Variants in RAI14 observed in about 807,000 individuals in gnomAD.
RAI14 encodes the protein retinoic acid induced 14, also known as ankycorbin.
A neutral mutation model predicts 115.4 loss-of-function variants in RAI14; 45 were observed. The observed-to-expected ratio is 0.39, with a 90% CI of 0.31 to 0.50. RAI14 has a LOEUF of 0.50. Among genes scored for constraint, RAI14 ranks in the 20% least tolerant of loss-of-function variants. RAI14 has a pLI of 0.85. For synonymous variants in RAI14, 371 were observed against 415.4 expected, an observed-to-expected ratio of 0.89 and a Z score of 1.30; for missense variants, 939 against 1,131.2, an observed-to-expected ratio of 0.83 and a Z score of 2.44.
intron 3 of RAI14, among the ~76,000 whole-genome samples, chr5:34,758,196 C>T (rs10056835): frequency 0.16 from 24,210 of 152,166 alleles, 2,025 homozygotes; most frequent in African/African-American, 0.21. Context: ...CTATCACTTA[C>T]GAGTTGTGTA....
intron 3 of RAI14, among the ~76,000 whole-genome samples, chr5:34,793,728 A>G (rs1753192674): frequency 6.6e-6 from 1 of 152,178 alleles, no homozygotes; most frequent in Non-Finnish European, 1.5e-5. Context: ...AGAATGGGAT[A>G]TGGCTACTCT....
intron 7 of RAI14, among the ~76,000 whole-genome samples, chr5:34,810,723 T>C (rs1397878267): frequency 2.0e-5 from 3 of 152,112 alleles, no homozygotes; most frequent in Non-Finnish European, 4.4e-5. Flanking sequence ...ACACTTTGTG[T>C]TCTGTCCTCT....
chr5:34,830,866 T>C lies in RAI14; in HGVS notation c.*101T>C. 6.4e-6 allele frequency: 10 copies of C among 1,555,988 alleles called. No individual in the cohort carries two copies. Among genetic ancestry groups the C allele is most frequent in the Non-Finnish European group, 8.7e-6 (10 of 1,150,918 alleles). Reference sequence around the variant, plus strand: ...CATTGTTCTCATTCGTGGTATGCACTGTGGCCTAGCGTAGCTTCTTCCCTT... The same window carrying C: ...CATTGTTCTCATTCGTGGTATGCACCGTGGCCTAGCGTAGCTTCTTCCCTT... On this transcript the variant is annotated 3_prime_UTR_variant, in exon 18 of 18. Coordinates refer to ENST00000265109, the MANE Select transcript of RAI14 (RefSeq NM_015577.3).
chr5:34,671,455 G>A (rs1008580469), intron 1 of RAI14, among the ~76,000 whole-genome samples: 5 of 152,160 alleles, frequency 3.3e-5, no homozygotes, highest in Non-Finnish European at 7.3e-5. Flanking sequence ...GATAGTAAGT[G>A]AATGTTAAAG....
chr5:34,804,649 G>T (rs1453193996), intron 5 of RAI14, among the ~76,000 whole-genome samples: 1 of 152,224 alleles, frequency 6.6e-6, no homozygotes, highest in Non-Finnish European at 1.5e-5. Flanking sequence ...TGCGTTACAT[G>T]ATGCAAGCTA....
chr5:34,752,743 G>GTATA (rs1470753966), intron 2 of RAI14, among the ~76,000 whole-genome samples: 43 of 100,900 alleles, frequency 4.3e-4, no homozygotes, highest in African/African-American at 1.8e-3. Flanking sequence ...GTGTGTGTGT[G>GTATA]TGTGTGTATA....
Position 34,823,596 on chromosome 5 carries a change from C to G in RAI14, c.1754C>G (p.Ser585Cys), listed in dbSNP as rs371060917. ...EYEEMKSSYC[S>C]VIENMNKEKA... ...GAGGAAATGAAAAGTTCATATTGCT[C>G]TGTTATTGAGAATATGAATAAGGAG... Residue 585 changes from serine to cysteine, a missense_variant, in exon 15 of 18, where the codon TCT becomes TGT. Coordinates refer to ENST00000265109, the MANE Select transcript of RAI14 (RefSeq NM_015577.3). This position sits in a 1 kb window ranked among gnomAD's most constrained non-coding sequence, Gnocchi z 4.5. The G allele has an allele frequency of 3.0e-5, 48 of 1,614,018 alleles. No individual in the cohort carries two copies. Among genetic ancestry groups the G allele is most frequent in the Non-Finnish European group, 4.0e-5 (47 of 1,180,042 alleles).
intron 1 of RAI14, among the ~76,000 whole-genome samples, chr5:34,669,004 G>C (rs1743427131): frequency 2.6e-5 from 4 of 152,120 alleles, no homozygotes; most frequent in Admixed American, 6.5e-5. Flanking sequence ...CTACAGGCGT[G>C]TGCCACCACG....
chr5:34,661,706 T>G (rs1742697705), intron 1 of RAI14, among the ~76,000 whole-genome samples: 1 of 152,234 alleles, frequency 6.6e-6, no homozygotes, highest in African/African-American at 2.4e-5. Context: ...TTTCCTTTTG[T>G]GATAACCTGG....
intron 3 of RAI14, among the ~76,000 whole-genome samples, chr5:34,777,268 G>C (rs1750980687): frequency 6.6e-6 from 1 of 152,124 alleles, no homozygotes; most frequent in African/African-American, 2.4e-5. Context: ...GTCAACCCAA[G>C]TGTCAATCAA....
chr5:34,693,724 G>A (rs373693302), intron 2 of RAI14, among the ~76,000 whole-genome samples: 529 of 152,264 alleles, frequency 3.5e-3, no homozygotes, highest in Non-Finnish European at 5.6e-3. Context: ...GCTGTCAACC[G>A]CAGCACACGC....
At chr5:34,811,206 C>T in intron 8 of RAI14, 88 bp downstream of exon 8, 2 of 1,414,980 alleles carry the variant, frequency 1.4e-6, no homozygotes, top group Non-Finnish European at 2.0e-6. Flanking sequence ...TATTTTGGAT[C>T]ATTTGTTATA....
At chr5:34,721,572 C>T (rs1742760592) in intron 2 of RAI14, among the ~76,000 whole-genome samples, 1 of 152,046 alleles carries the variant, frequency 6.6e-6, no homozygotes, top group Non-Finnish European at 1.5e-5. Flanking sequence ...GAGCAATACA[C>T]AAGATATTGT....
intron 16 of RAI14, 33 bp from the exon 17 acceptor site, chr5:34,829,699 G>T (rs953254768): frequency 3.2e-6 from 5 of 1,564,034 alleles, no homozygotes; most frequent in Non-Finnish European, 4.4e-6. Flanking sequence ...GATCTCTTAA[G>T]CTCATTAATA....
intron 1 of RAI14, among the ~76,000 whole-genome samples, chr5:34,657,732 G>A (rs1742391425): frequency 6.6e-6 from 1 of 152,208 alleles, no homozygotes; most frequent in African/African-American, 2.4e-5. Context: ...CTGGCAGAGA[G>A]GAACTGTCCA....
intron 12 of RAI14, among the ~76,000 whole-genome samples, chr5:34,816,189 T>C (rs13168915): frequency 6.6e-6 from 1 of 152,226 alleles, no homozygotes; most frequent in African/African-American, 2.4e-5. Flanking sequence ...GCTACATCTG[T>C]TGTAAACATT....
chr5:34,730,275 C>T (rs1023299318), intron 2 of RAI14, among the ~76,000 whole-genome samples: 1 of 152,166 alleles, frequency 6.6e-6, no homozygotes, highest in South Asian at 2.1e-4. Context: ...GTAGTACTAG[C>T]CATGTCCTGT....
chr5:34,680,531 T>C (rs1254555292), intron 1 of RAI14, among the ~76,000 whole-genome samples: 1 of 152,208 alleles, frequency 6.6e-6, no homozygotes, highest in Non-Finnish European at 1.5e-5. Context: ...TACTATTACA[T>C]TGGCAATTAA....
At chr5:34,805,886 C>T (rs1293106331) in intron 5 of RAI14, among the ~76,000 whole-genome samples, 1 of 152,042 alleles carries the variant, frequency 6.6e-6, no homozygotes, top group Non-Finnish European at 1.5e-5. Flanking sequence ...AGCTCTCTCC[C>T]TTCCCGAACC....
Sources: gnomAD v4.1 joint callset for allele counts (sites outside exome capture counted in the v4.1 genomes callset) on GRCh38, gnomAD v4.1.1 for gene constraint, Gnocchi (gnomAD v3.1) non-coding constraint, MANE v1.5 for transcripts, NCBI Gene and HGNC (gene_info 2026-07-23, HGNC 2026-07-21) for gene names.